MCC: variants seen among roughly 807,000 people sequenced by gnomAD.
MCC encodes colorectal mutant cancer protein.
Under a neutral mutation model 116.2 loss-of-function variants are expected in MCC, and 90 were observed. That is an observed-to-expected ratio of 0.77 (90% confidence interval 0.65 to 0.92). MCC has a LOEUF of 0.92. Among genes scored for constraint, MCC ranks in the 40% least tolerant of loss-of-function variants. MCC has a pLI of 0.00. For synonymous variants in MCC, 578 were observed against 510.5 expected (o/e 1.13, Z -1.78); for missense variants, 1,516 against 1,312.2 (o/e 1.16, Z -2.40).
At chr5:113,335,632 C>T (rs1767851780) in intron 3 of MCC, among the ~76,000 whole-genome samples, 1 of 151,686 alleles carries the variant, frequency 6.6e-6, no homozygotes, top group African/African-American at 2.4e-5. Flanking sequence ...GGCAGTACAT[C>T]TTTCCCACTG....
rs1750192527 is a variant in MCC at position 113,022,278 on chromosome 5, A to G, written c.*5024T>C. On this transcript the variant is annotated 3_prime_UTR_variant, in exon 19 of 19. Transcript: ENST00000408903. ...GGAAACATTTAAAGAATACAAGTGG[A>G]GAATCTAAAAAATTACAAGGTATAG... 6.5e-6 allele frequency: 1 copy of G among 152,700 alleles called. No homozygotes were observed. Among genetic ancestry groups the G allele is most frequent in the South Asian group, 2.1e-4 (1 of 4,836 alleles). The allele number at this position is 152,700 out of a possible 1,614,324, so 9.5% of individuals were successfully genotyped here.
chr5:113,044,580 T>G, intron 16 of MCC: 1 of 682,974 alleles, frequency 1.5e-6, no homozygotes, highest in Non-Finnish European at 1.8e-6. Flanking sequence ...GATATTTTTT[T>G]GTTTGTTTTT....
chr5:113,343,789 T>G (rs553838350), intron 2 of MCC, among the ~76,000 whole-genome samples: 22 of 152,296 alleles, frequency 1.4e-4, no homozygotes, highest in African/African-American at 5.3e-4. Context: ...TCAAAATAAA[T>G]TATACATTTA....
At chr5:113,328,223 A>T (rs1177446253) in intron 3 of MCC, among the ~76,000 whole-genome samples, 1 of 152,210 alleles carries the variant, frequency 6.6e-6, no homozygotes, top group African/African-American at 2.4e-5. Context: ...ATTAAATGAG[A>T]TGATGCTGGC....
chr5:113,374,544 G>A (rs1473249647), intron 2 of MCC, among the ~76,000 whole-genome samples: 1 of 152,140 alleles, frequency 6.6e-6, no homozygotes, highest in African/African-American at 2.4e-5. Context: ...ACTTACGCCC[G>A]AGCCAGAGAT....
intron 3 of MCC, among the ~76,000 whole-genome samples, chr5:113,189,629 A>G (rs1165890320): frequency 1.3e-5 from 2 of 152,224 alleles, no homozygotes; most frequent in African/African-American, 4.8e-5. Context: ...CAGAATAAAT[A>G]AAAGTGAATC....
chr5:113,083,704 T>C (rs1303385580), intron 10 of MCC, among the ~76,000 whole-genome samples: 1 of 152,174 alleles, frequency 6.6e-6, no homozygotes, highest in Non-Finnish European at 1.5e-5. Flanking sequence ...AAAGACAACA[T>C]TCCTCCTCAG....
intron 8 of MCC, among the ~76,000 whole-genome samples, chr5:113,095,859 C>G (rs1013921054): frequency 1.2e-4 from 18 of 152,074 alleles, no homozygotes; most frequent in African/African-American, 3.9e-4. Context: ...AATGTCAATA[C>G]TATCAATATT....
chr5:113,255,596 T>C (rs1479712773), intron 3 of MCC, among the ~76,000 whole-genome samples: 2 of 152,180 alleles, frequency 1.3e-5, no homozygotes, highest in Non-Finnish European at 2.9e-5. Context: ...CTAATATATA[T>C]CTCCTTCTTT....
At chr5:113,315,037 G>C (rs1767244524) in intron 3 of MCC, among the ~76,000 whole-genome samples, 1 of 152,206 alleles carries the variant, frequency 6.6e-6, no homozygotes, top group South Asian at 2.1e-4. Flanking sequence ...TCTGCCAAGA[G>C]CTTTGCTCTC....
intron 12 of MCC, 57 bp from the exon 13 acceptor site, chr5:113,068,240 G>A: frequency 7.3e-7 from 1 of 1,365,238 alleles, no homozygotes; most frequent in South Asian, 1.2e-5. Context: ...CACCTTCAAT[G>A]TGGCGCCGGT....
intron 3 of MCC, among the ~76,000 whole-genome samples, chr5:113,284,840 A>T (rs142664508): frequency 7.5e-4 from 114 of 152,374 alleles, no homozygotes; most frequent in African/African-American, 2.7e-3. Context: ...ATAAATCAAT[A>T]AATTGATATT....
chr5:113,073,836 C>T (rs556942502), intron 11 of MCC, among the ~76,000 whole-genome samples: 5 of 152,286 alleles, frequency 3.3e-5, no homozygotes, highest in South Asian at 2.1e-4. Flanking sequence ...GGGGGACGGG[C>T]GTCCGCCACT....
At chr5:113,339,091 TG>T (rs1234975887) in intron 3 of MCC, among the ~76,000 whole-genome samples, 2 of 151,436 alleles carry the variant, frequency 1.3e-5, no homozygotes, top group Admixed American at 1.3e-4. Flanking sequence ...TAGCCAGGTG[TG>T]GCAGGTACCT....
intron 1 of MCC, among the ~76,000 whole-genome samples, chr5:113,403,550 C>A (rs1287478474): frequency 1.3e-5 from 2 of 152,158 alleles, no homozygotes; most frequent in African/African-American, 2.4e-5. Flanking sequence ...AAGCATTCAT[C>A]ACAAGGAAGG....
At chr5:113,446,979 C>A (rs1405315170) in intron 1 of MCC, among the ~76,000 whole-genome samples, 1 of 152,134 alleles carries the variant, frequency 6.6e-6, no homozygotes, top group Non-Finnish European at 1.5e-5. Context: ...AAAATAAGAT[C>A]ATTTCTAGTA....
chr5:113,383,975 G>A (rs1398535372), intron 2 of MCC, among the ~76,000 whole-genome samples: 1 of 152,072 alleles, frequency 6.6e-6, no homozygotes, highest in African/African-American at 2.4e-5. Context: ...TGAGATCAAA[G>A]ACACATTTTC....
At chr5:113,043,127 A>G (rs928593993) in intron 17 of MCC, among the ~76,000 whole-genome samples, 2 of 152,200 alleles carry the variant, frequency 1.3e-5, no homozygotes, top group Non-Finnish European at 2.9e-5. Flanking sequence ...AAAATTTCCC[A>G]GAACTAAATA....
chr5:113,369,710 G>A (rs867456779), intron 2 of MCC, among the ~76,000 whole-genome samples: 1 of 152,112 alleles, frequency 6.6e-6, no homozygotes, highest in African/African-American at 2.4e-5. Context: ...ATGGTAGTCT[G>A]TTGGGCCCAA....
Sources: gnomAD v4.1 joint callset for allele counts (sites outside exome capture counted in the v4.1 genomes callset) on GRCh38, gnomAD v4.1.1 for gene constraint, MANE v1.5 for transcripts, NCBI Gene and HGNC (gene_info 2026-07-23, HGNC 2026-07-21) for gene names.